The following CLSTN2 variants were observed in gnomAD, a reference collection of about 807,000 sequenced individuals.
CLSTN2 encodes the protein calsyntenin-2.
In CLSTN2, 48 loss-of-function variants were observed where a neutral mutation model predicts 101.2. The ratio of observed to expected loss-of-function variants is 0.47; its 90% confidence interval spans 0.38 to 0.60. CLSTN2 has a LOEUF of 0.60. CLSTN2 is among the 20% of genes least tolerant of loss of function. The pLI, the probability that CLSTN2 is intolerant of heterozygous loss-of-function variation, is 0.00. For synonymous variants in CLSTN2, 481 were observed against 463.6 expected (o/e 1.04, Z -0.48); for missense variants, 1,160 against 1,238.2 (o/e 0.94, Z 0.95).
intron 1 of CLSTN2, among the ~76,000 whole-genome samples, chr3:140,026,878 C>T (rs1161578502): frequency 6.6e-6 from 1 of 152,224 alleles, no homozygotes; most frequent in African/African-American, 2.4e-5. Context: ...CACTTTTCCT[C>T]TTGGCTGGAT....
At chr3:140,002,860 A>C (rs1240142178) in intron 1 of CLSTN2, among the ~76,000 whole-genome samples, 5 of 152,180 alleles carry the variant, frequency 3.3e-5, no homozygotes, top group Non-Finnish European at 7.3e-5. Flanking sequence ...TTTATTGAAA[A>C]TGAGTTCATT....
At chr3:140,045,881 G>A (rs959086553) in intron 1 of CLSTN2, among the ~76,000 whole-genome samples, 2 of 152,210 alleles carry the variant, frequency 1.3e-5, no homozygotes, top group African/African-American at 4.8e-5. Context: ...TGGTCTGAGA[G>A]ACAGTTTGTT....
At chr3:140,409,816 T>C (rs1195533861) in intron 4 of CLSTN2, among the ~76,000 whole-genome samples, 2 of 152,028 alleles carry the variant, frequency 1.3e-5, no homozygotes, top group Non-Finnish European at 2.9e-5. Context: ...AGGAAAACTT[T>C]GGAAGAAAAA....
chr3:139,998,297 T>A (rs918473045), intron 1 of CLSTN2, among the ~76,000 whole-genome samples: 6 of 148,212 alleles, frequency 4.0e-5, no homozygotes, highest in African/African-American at 1.3e-4. Flanking sequence ...CAACCTCAGT[T>A]TTAAATTGGG....
chr3:140,132,807 T>C (rs2009542665), intron 1 of CLSTN2, among the ~76,000 whole-genome samples: 1 of 152,238 alleles, frequency 6.6e-6, no homozygotes, highest in Non-Finnish European at 1.5e-5. Flanking sequence ...TAATTACATC[T>C]GTGTTCTTGT....
intron 2 of CLSTN2, among the ~76,000 whole-genome samples, chr3:140,276,601 T>A (rs1368243563): frequency 6.6e-6 from 1 of 152,174 alleles, no homozygotes; most frequent in Non-Finnish European, 1.5e-5. Flanking sequence ...GGTACAGTCA[T>A]GAACAGGTTA....
chr3:140,396,254 G>A (rs1282242686), intron 2 of CLSTN2, among the ~76,000 whole-genome samples: 1 of 152,172 alleles, frequency 6.6e-6, no homozygotes, highest in Non-Finnish European at 1.5e-5. Flanking sequence ...TTATGAAAAT[G>A]TAGAGGATGT....
chr3:140,460,249 T>C (rs577540905), intron 7 of CLSTN2: 1 of 164,620 alleles, frequency 6.1e-6, no homozygotes, highest in South Asian at 1.6e-4. Flanking sequence ...TAATGATAGC[T>C]ACCATTCGAT....
intron 6 of CLSTN2, chr3:140,452,777 A>G (rs959811290): frequency 6.6e-6 from 1 of 152,200 alleles, no homozygotes; most frequent in Non-Finnish European, 1.5e-5. Flanking sequence ...TCTGCTTTGT[A>G]CAAAAAAAAT....
At chr3:140,223,744 T>C (rs2086295032) in intron 2 of CLSTN2, among the ~76,000 whole-genome samples, 1 of 152,234 alleles carries the variant, frequency 6.6e-6, no homozygotes. Context: ...AATTATTTCA[T>C]TGCTTTGAAG....
In CLSTN2 at chr3:140,231,605, A is replaced by G. The variant is rs139971773; in HGVS notation, c.232+55532A>G. Among the ~76,000 whole-genome samples, 980 of 152,250 alleles carry G rather than the reference A, an allele frequency of 6.4e-3. 6 individuals carry two copies. The highest frequency in any genetic ancestry group is 9.2e-3 in the Non-Finnish European group (624 of 68,006). ...TCGATAGAGGCCTGTATTCCTCTCAACTGGTTCCTAGTTCAAGTCTCCTCT... is the reference window on the plus strand; with the variant it reads ...TCGATAGAGGCCTGTATTCCTCTCAGCTGGTTCCTAGTTCAAGTCTCCTCT... On this transcript the variant is annotated intron_variant, in intron 2 of 16. Coordinates refer to ENST00000458420, the MANE Select transcript of CLSTN2 (RefSeq NM_022131.3).
intron 2 of CLSTN2, among the ~76,000 whole-genome samples, chr3:140,376,708 A>G: frequency 6.6e-6 from 1 of 152,224 alleles, no homozygotes; most frequent in East Asian, 1.9e-4. Flanking sequence ...ACATTTGGCA[A>G]GATTTGCCAA....
chr3:140,157,781 G>T (rs544162836), intron 1 of CLSTN2, among the ~76,000 whole-genome samples: 1 of 152,106 alleles, frequency 6.6e-6, no homozygotes, highest in South Asian at 2.1e-4. Flanking sequence ...TTGCTTTGGG[G>T]TTAATCCAGT....
intron 2 of CLSTN2, among the ~76,000 whole-genome samples, chr3:140,379,915 T>C (rs1378085496): frequency 6.6e-6 from 1 of 152,108 alleles, no homozygotes; most frequent in African/African-American, 2.4e-5. Context: ...TTACTACCAA[T>C]TGCCTCCAAA....
At chr3:140,414,551 C>T (rs1187650813) in intron 4 of CLSTN2, among the ~76,000 whole-genome samples, 3 of 151,774 alleles carry the variant, frequency 2.0e-5, no homozygotes, top group South Asian at 2.1e-4. Context: ...ATATAATGCA[C>T]ATTGGAGACT....
chr3:140,137,022 T>C (rs2009625596), intron 1 of CLSTN2, among the ~76,000 whole-genome samples: 1 of 152,208 alleles, frequency 6.6e-6, no homozygotes, highest in African/African-American at 2.4e-5. Context: ...CTAGATTATA[T>C]TGGAGGTTGA....
At chr3:140,286,134 TG>T (rs1428644056) in intron 2 of CLSTN2, among the ~76,000 whole-genome samples, 1 of 152,134 alleles carries the variant, frequency 6.6e-6, no homozygotes, top group Non-Finnish European at 1.5e-5. Flanking sequence ...TGAGCAGCTG[TG>T]GTCCACAACT....
intron 2 of CLSTN2, among the ~76,000 whole-genome samples, chr3:140,371,054 T>C (rs1390111442): frequency 6.6e-6 from 1 of 152,232 alleles, no homozygotes; most frequent in African/African-American, 2.4e-5. Flanking sequence ...CAACACCTTT[T>C]GCTGTCTTTC....
intron 1 of CLSTN2, among the ~76,000 whole-genome samples, chr3:140,095,580 A>C (rs1293265125): frequency 6.6e-6 from 1 of 152,192 alleles, no homozygotes; most frequent in Non-Finnish European, 1.5e-5. Context: ...CCTACATAAT[A>C]ATTTGGATCA....
Sources: gnomAD v4.1 joint callset for allele counts (sites outside exome capture counted in the v4.1 genomes callset) on GRCh38, gnomAD v4.1.1 for gene constraint, MANE v1.5 for transcripts, NCBI Gene and HGNC (gene_info 2026-07-23, HGNC 2026-07-21) for gene names.